The following FRMD4A variants were observed in gnomAD, a reference collection of about 807,000 sequenced individuals.
FRMD4A encodes the protein FERM domain containing 4A.
In FRMD4A, 29 loss-of-function variants were observed where a neutral mutation model predicts 129.1. The ratio of observed to expected loss-of-function variants is 0.22; its 90% CI spans 0.17 to 0.31. FRMD4A has a LOEUF of 0.31. Among genes scored for constraint, FRMD4A ranks in the 10% least tolerant of loss-of-function variants. The probability of loss-of-function intolerance (pLI) is 1.00; values close to 1 mark genes in which losing one functional copy is unlikely to be tolerated. For synonymous variants in FRMD4A, 634 were observed against 571.6 expected (o/e 1.11, Z -1.56); for missense variants, 1,272 against 1,375.8 (o/e 0.92, Z 1.19).
At chr10:14,220,467 A>G (rs537366914) in intron 2 of FRMD4A, among the ~76,000 whole-genome samples, 4 of 152,318 alleles carry the variant, frequency 2.6e-5, no homozygotes, top group South Asian at 4.1e-4. Flanking sequence ...CCATGCCCCA[A>G]AGGGGGTGCC....
chr10:13,813,927 A>C (rs1171147923), intron 3 of FRMD4A, among the ~76,000 whole-genome samples: 2 of 152,238 alleles, frequency 1.3e-5, no homozygotes, highest in Admixed American at 6.5e-5. Flanking sequence ...TACCTGTCCA[A>C]ATGATTGCTA....
chr10:14,253,325 C>T (rs1445859306), intron 2 of FRMD4A, among the ~76,000 whole-genome samples: 1 of 152,200 alleles, frequency 6.6e-6, no homozygotes, highest in South Asian at 2.1e-4. Flanking sequence ...ATTTAAGAAA[C>T]CTGGTTTTAT....
intron 12 of FRMD4A, among the ~76,000 whole-genome samples, chr10:13,724,431 T>C (rs2089727956): frequency 6.6e-6 from 1 of 151,914 alleles, no homozygotes; most frequent in Admixed American, 6.6e-5. Flanking sequence ...AGGTGGTCGA[T>C]GTTCTTATTA....
At chr10:13,746,219 T>G (rs4750404) in intron 9 of FRMD4A, among the ~76,000 whole-genome samples, 2 of 151,762 alleles carry the variant, frequency 1.3e-5, no homozygotes, top group South Asian at 2.1e-4. Context: ...GTTTTTTTGT[T>G]TGTTTGTTTT....
intron 14 of FRMD4A, among the ~76,000 whole-genome samples, chr10:13,700,805 G>A (rs937998162): frequency 7.9e-6 from 1 of 126,050 alleles, no homozygotes; most frequent in African/African-American, 2.9e-5. Context: ...CTACCTTAGG[G>A]AAACAGGGTA....
At chr10:14,149,196 T>C (rs1840226523) in intron 2 of FRMD4A, among the ~76,000 whole-genome samples, 1 of 152,196 alleles carries the variant, frequency 6.6e-6, no homozygotes, top group Non-Finnish European at 1.5e-5. Context: ...AGTATTTCCA[T>C]GAAAAATAAG....
chr10:14,240,786 A>G (rs1029905044), intron 2 of FRMD4A, among the ~76,000 whole-genome samples: 1 of 152,188 alleles, frequency 6.6e-6, no homozygotes, highest in African/African-American at 2.4e-5. Flanking sequence ...CCTGTTTAAT[A>G]TTCACAACCT....
intron 12 of FRMD4A, among the ~76,000 whole-genome samples, chr10:13,737,171 T>C (rs1019439232): frequency 6.6e-6 from 1 of 152,140 alleles, no homozygotes; most frequent in Non-Finnish European, 1.5e-5. Flanking sequence ...CTCACTGCAA[T>C]CTCCGCCTCC....
chr10:14,281,089 T>C (rs1208629092), intron 2 of FRMD4A, among the ~76,000 whole-genome samples: 1 of 145,036 alleles, frequency 6.9e-6, no homozygotes, highest in Non-Finnish European at 1.5e-5. Context: ...ACCTCCTGGG[T>C]TCAAGTGATT....
At chr10:14,326,711 C>T (rs563238987) in intron 2 of FRMD4A, 33 of 397,148 alleles carry the variant, frequency 8.3e-5, no homozygotes, top group Middle Eastern at 6.3e-4. Context: ...AACTAATCCT[C>T]GGCTCTAGCA....
intron 2 of FRMD4A, among the ~76,000 whole-genome samples, chr10:14,013,373 G>A (rs914577593): frequency 1.3e-4 from 20 of 152,096 alleles, no homozygotes; most frequent in African/African-American, 4.8e-4. Context: ...CCTCTAAGCA[G>A]GACATGCACA....
intron 2 of FRMD4A, among the ~76,000 whole-genome samples, chr10:14,131,730 TA>T (rs564756536): frequency 6.6e-6 from 1 of 152,124 alleles, no homozygotes; most frequent in African/African-American, 2.4e-5. Context: ...ACGAGATGAA[TA>T]AGGTCATTTT....
intron 2 of FRMD4A, among the ~76,000 whole-genome samples, chr10:14,211,704 G>A (rs1275623140): frequency 6.6e-6 from 1 of 152,142 alleles, no homozygotes; most frequent in African/African-American, 2.4e-5. Context: ...AGGCCAGGCT[G>A]GATCGTGATG....
intron 17 of FRMD4A, among the ~76,000 whole-genome samples, chr10:13,669,057 G>GTTTTTTTTTT (rs56706198): frequency 1.0e-5 from 1 of 97,460 alleles, no homozygotes; most frequent in South Asian, 3.7e-4. Flanking sequence ...CTGAGCTTTA[G>GTTTTTTTTTT]TTTTTTTTTT....
intron 3 of FRMD4A, among the ~76,000 whole-genome samples, chr10:13,833,824 C>T (rs758350172): frequency 7.2e-5 from 11 of 152,056 alleles, no homozygotes; most frequent in Admixed American, 2.0e-4. Flanking sequence ...AAAGGTCACC[C>T]GGCTATGACA....
In FRMD4A at chr10:13,840,988, G is replaced by A. The variant is rs1407593557; in HGVS notation, c.111+17859C>T. Among the ~76,000 whole-genome samples the A allele has an allele frequency of 3.9e-5, 6 of 151,900 alleles. No individual in the cohort carries two copies. The South Asian group carries it at 6.3e-4, about 16-fold the overall frequency. On this transcript the variant is annotated intron_variant, in intron 3 of 24. Transcript: ENST00000357447. Reference sequence around the variant, plus strand: ...ACAGGCATGGTGGTGCATGTCTGCCGTCCAAGCTACTAGGGAGGCTGAGGT... The same window carrying A: ...ACAGGCATGGTGGTGCATGTCTGCCATCCAAGCTACTAGGGAGGCTGAGGT...
chr10:14,213,729 G>C (rs952639793), intron 2 of FRMD4A, among the ~76,000 whole-genome samples: 1 of 152,168 alleles, frequency 6.6e-6, no homozygotes, highest in South Asian at 2.1e-4. Flanking sequence ...ATATGGTTTG[G>C]CTGTGTCCCC....
At chr10:14,322,739 G>A (rs1422658423) in intron 2 of FRMD4A, among the ~76,000 whole-genome samples, 4 of 152,212 alleles carry the variant, frequency 2.6e-5, no homozygotes, top group Non-Finnish European at 5.9e-5. Context: ...GGTCTTGGTA[G>A]AGCATGTTTC....
At chr10:13,885,949 T>C (rs1000532444) in intron 2 of FRMD4A, among the ~76,000 whole-genome samples, 4 of 152,048 alleles carry the variant, frequency 2.6e-5, no homozygotes, top group Non-Finnish European at 5.9e-5. Context: ...GAAATAAATA[T>C]CAGATACTTA....
Sources: gnomAD v4.1 joint callset for allele counts (sites outside exome capture counted in the v4.1 genomes callset) on GRCh38, gnomAD v4.1.1 for gene constraint, MANE v1.5 for transcripts, NCBI Gene and HGNC (gene_info 2026-07-23, HGNC 2026-07-21) for gene names.